Variants in TCHP observed in about 807,000 individuals in gnomAD.
The protein encoded by TCHP is trichoplein keratin filament-binding protein.
In TCHP, 81 loss-of-function variants were observed where a neutral mutation model predicts 88.7. That is an observed-to-expected ratio of 0.91 (90% CI 0.76 to 1.10). TCHP has a LOEUF of 1.10. Ranked by LOEUF, TCHP falls within the 50% of genes least tolerant of loss-of-function variation. The pLI is 0.00. For missense variants in TCHP, 641 were observed against 632.1 expected, an observed-to-expected ratio of 1.01 and a Z score of -0.15; for synonymous variants, 232 against 232.5, an observed-to-expected ratio of 1.00 and a Z score of 0.02.
chr12:109,883,199 A>ATTTT, the TCHP span, among the ~76,000 whole-genome samples: 5,901 of 127,640 alleles, frequency 0.046, 239 homozygotes, highest in African/African-American at 0.11. Context: ...ATGCTACCCT[A>ATTTT]TTTTTTTTTT....
chr12:109,899,586 C>T (rs543067970), upstream of TCHP, among the ~76,000 whole-genome samples: 1 of 152,158 alleles, frequency 6.6e-6, no homozygotes, highest in African/African-American at 2.4e-5. Flanking sequence ...TGCAGTGAAT[C>T]GAGATCACGC....
Position 109,914,352 on chromosome 12 carries a change from T to A in TCHP, c.1135-90T>A. ...TGAGGCCCAAGGATGAGGCTGGGCC[T>A]TGCTGTGGCTGCAGCCTGTCCAAGG... On this transcript the variant is annotated intron_variant, in intron 10 of 12. Coordinates refer to ENST00000405876, the MANE Select transcript of TCHP (RefSeq NM_001143852.2). 4 of 1,246,412 alleles carry A rather than the reference T, an allele frequency of 3.2e-6. No homozygotes were observed. The South Asian group carries it at 5.9e-5, about 18-fold the overall frequency. 77.2% of individuals were successfully genotyped at this position (1,246,412 alleles called of 1,614,324 possible). A position where few individuals can be genotyped will look rare whatever the true frequency, so the allele number is the denominator to read the frequency against.
At chr12:109,885,478 G>GTTTTTTTTTTTTTTTTTTTTT in the TCHP span, among the ~76,000 whole-genome samples, 1 of 118,176 alleles carries the variant, frequency 8.5e-6, no homozygotes, top group Non-Finnish European at 1.7e-5. Context: ...AAATCTGATG[G>GTTTTTTTTTTTTTTTTTTTTT]TTTTTTTTTT....
chr12:109,900,082 C>T (rs1869689536), upstream of TCHP, among the ~76,000 whole-genome samples: 1 of 152,242 alleles, frequency 6.6e-6, no homozygotes, highest in Non-Finnish European at 1.5e-5. Flanking sequence ...CTGGTTTCCA[C>T]CTTCACCTTC....
chr12:109,881,514 A>C, the TCHP span, among the ~76,000 whole-genome samples: 1 of 152,228 alleles, frequency 6.6e-6, no homozygotes, highest in South Asian at 2.1e-4. Context: ...GACCCTAGAA[A>C]ATTCTGTAAG....
the TCHP span, among the ~76,000 whole-genome samples, chr12:109,884,964 C>CTTTGTT: frequency 6.6e-6 from 1 of 152,154 alleles, no homozygotes; most frequent in East Asian, 1.9e-4. Flanking sequence ...CAGTAATGTC[C>CTTTGTT]TTTGTTTTTG....
At chr12:109,883,199 ATTTT>A in the TCHP span, among the ~76,000 whole-genome samples, 1 of 127,720 alleles carries the variant, frequency 7.8e-6, no homozygotes. Context: ...ATGCTACCCT[ATTTT>A]TTTTTTTTTT....
upstream of TCHP, among the ~76,000 whole-genome samples, chr12:109,896,184 T>A (rs1592901703): frequency 6.6e-6 from 1 of 152,144 alleles, no homozygotes. Flanking sequence ...TGACCTCAAG[T>A]GATCCATCCG....
Position 109,915,442 on chromosome 12 carries a change from CAGG to C in TCHP, c.1371_1373del (p.Glu461del). The stretch of plus-strand genomic sequence containing the variant: ...GCTGCAGGCATGGGAAGCAGACCAG[CAGG>C]AGGAGGAGGAAGAGGAGGAGGCCCG... On this transcript the variant is annotated inframe_deletion, in exon 12 of 13. Transcript: ENST00000405876. The C allele has an allele frequency of 1.9e-6, 3 of 1,614,076 alleles. No individual in the cohort carries two copies. The highest frequency in any genetic ancestry group is 2.2e-5 in the East Asian group (1 of 44,884).
chr12:109,893,246 G>A, the TCHP span, among the ~76,000 whole-genome samples: 1 of 152,094 alleles, frequency 6.6e-6, no homozygotes, highest in African/African-American at 2.4e-5. Context: ...GGGTGTGGTG[G>A]TGCATGCCTG....
intron 1 of TCHP, chr12:109,901,091 C>CAA (rs933200202): frequency 4.6e-5 from 7 of 152,204 alleles, no homozygotes; most frequent in African/African-American, 1.7e-4. Context: ...AACATACTTC[C>CAA]GAGTGTTATT....
At chr12:109,912,356 C>T (rs957117798) in intron 9 of TCHP, among the ~76,000 whole-genome samples, 1 of 152,172 alleles carries the variant, frequency 6.6e-6, no homozygotes, top group African/African-American at 2.4e-5. Flanking sequence ...CACAGGCATG[C>T]GGTGGCAGGG....
Position 109,916,954 on chromosome 12 carries a change from G to T in TCHP, c.*331G>T, listed in dbSNP as rs115197347. 634 of 245,098 alleles carry T rather than the reference G, an allele frequency of 2.6e-3. 3 individuals are homozygous for T. The highest frequency in any genetic ancestry group is 0.013 in the African/African-American group (576 of 44,870). The allele number at this position is 245,098 out of a possible 1,614,324, so 15.2% of individuals were successfully genotyped here. On this transcript the variant is annotated 3_prime_UTR_variant, in exon 13 of 13. Transcript: ENST00000405876. The stretch of plus-strand genomic sequence containing the variant: ...ACAGGTTGTACCTGTGATGGGGCGT[G>T]TGGTTTCCTGTTGTCTCACCTTTAA...
intron 1 of TCHP, 171 bp downstream of exon 1, chr12:109,900,597 C>G (rs1869728607): frequency 6.6e-6 from 1 of 152,254 alleles, no homozygotes. Flanking sequence ...CGTGCATGTT[C>G]AGGTCGAGAG....
chr12:109,916,856 G>A lies in TCHP; in HGVS notation c.*233G>A, dbSNP rs1490150421. ...CCAAGCAAGGGTCTTTGATGGGCAC[G>A]TGTTTACAGCGCTGCTGCATAGTCT... is the stretch of plus-strand genomic sequence containing the variant. On this transcript the variant is annotated 3_prime_UTR_variant, in exon 13 of 13. Coordinates refer to ENST00000405876, the MANE Select transcript of TCHP (RefSeq NM_001143852.2). 3 of 532,846 alleles carry A rather than the reference G, an allele frequency of 5.6e-6. No homozygotes were observed. Among genetic ancestry groups the A allele is most frequent in the South Asian group, 2.5e-5 (1 of 39,870 alleles). The allele number at this position is 532,846 out of a possible 1,614,324, so 33.0% of individuals were successfully genotyped here. A position where few individuals can be genotyped will look rare whatever the true frequency, so the allele number is the denominator to read the frequency against.
At chr12:109,895,299 TCC>T (rs1452360109), upstream of TCHP, among the ~76,000 whole-genome samples, 1 of 150,932 alleles carries the variant, frequency 6.6e-6, no homozygotes, top group Non-Finnish European at 1.5e-5. Flanking sequence ...AACCTCGACT[TCC>T]CAGGCTCAGG....
chr12:109,887,024 A>G, the TCHP span, among the ~76,000 whole-genome samples: 1 of 152,158 alleles, frequency 6.6e-6, no homozygotes, highest in African/African-American at 2.4e-5. Context: ...GCTTATTGTT[A>G]TCGGGGTGTC....
the TCHP span, among the ~76,000 whole-genome samples, chr12:109,891,390 C>CTTT: frequency 0.017 from 2,311 of 139,516 alleles, 37 homozygotes; most frequent in South Asian, 0.05. Context: ...TTAATATTTC[C>CTTT]TTTTTTTTTT....
chr12:109,902,656 G>A (rs1869870427), intron 1 of TCHP, among the ~76,000 whole-genome samples: 1 of 152,100 alleles, frequency 6.6e-6, no homozygotes. Flanking sequence ...TGTATTTTTA[G>A]TGGAGACAGG....
Sources: gnomAD v4.1 joint callset for allele counts (sites outside exome capture counted in the v4.1 genomes callset) on GRCh38, gnomAD v4.1.1 for gene constraint, MANE v1.5 for transcripts, NCBI Gene and HGNC (gene_info 2026-07-23, HGNC 2026-07-21) for gene names.